RBM11: variants seen among roughly 807,000 people sequenced by gnomAD.
RBM11 encodes splicing regulator RBM11.
In RBM11, 18 loss-of-function variants were observed where a neutral mutation model predicts 21.4. The ratio of observed to expected loss-of-function variants is 0.84; its 90% CI spans 0.58 to 1.25. The LOEUF (loss-of-function observed/expected upper bound fraction) is 1.25, where lower values mean the gene tolerates loss of function less well. Ranked by LOEUF, RBM11 falls within the 50% of genes most tolerant of loss-of-function variation. The pLI is 0.00. For missense variants in RBM11, 294 were observed against 331.9 expected (o/e 0.89, Z 0.89); for synonymous variants, 120 against 116.3 (o/e 1.03, Z -0.20).
chr21:14,226,948 T>G lies in RBM11; in HGVS notation c.501T>G (p.Ser167Arg), dbSNP rs749653236. 2 of 1,613,692 alleles carry G rather than the reference T, an allele frequency of 1.2e-6. No homozygotes were observed. Among genetic ancestry groups the G allele is most frequent in the Admixed American group, 3.3e-5 (2 of 59,996 alleles). Residue 167 changes from serine (S) to arginine (R), a missense_variant, in exon 5 of 5, where the codon AGT (serine) becomes AGG (arginine). Ser to Arg is a moderately radical substitution (Grantham distance 110). Coordinates refer to ENST00000400577, the MANE Select transcript of RBM11 (RefSeq NM_144770.5). ...AAATGACAGCTCCACTTCCTAATAG[T>G]GCATCCGTGTCTTCCTCACTGAATC... ...YYEMTAPLPN[S>R]ASVSSSLNHV...
At chr21:14,225,251 A>G (rs986797087) in intron 4 of RBM11, among the ~76,000 whole-genome samples, 1 of 152,334 alleles carries the variant, frequency 6.6e-6, no homozygotes, top group East Asian at 1.9e-4. Flanking sequence ...TTAATTAAAG[A>G]CAAAACTATC....
At position 14,228,007 on chromosome 21, in the gene RBM11, CTT is replaced by C. The variant is rs1156296370; in HGVS notation, c.*717_*718del. 6.6e-6 allele frequency: 1 copy of C among 152,128 alleles called. No homozygotes were observed. The highest frequency in any genetic ancestry group is 1.5e-5 in the Non-Finnish European group (1 of 68,010). The allele number at this position is 152,128 out of a possible 1,614,324, so 9.4% of individuals were successfully genotyped here. On this transcript the variant is annotated 3_prime_UTR_variant, in exon 5 of 5. Coordinates refer to ENST00000400577, the MANE Select transcript of RBM11 (RefSeq NM_144770.5). ...CTATGTCAGTGTGTATTATTCACCT[CTT>C]TTGCTAGCAAGGTTTGAGATGCTAT...
In RBM11 at chr21:14,227,008, T is replaced by G. The variant is rs755211114; in HGVS notation, c.561T>G (p.Tyr187Ter). 1.9e-6 allele frequency: 3 copies of G among 1,613,592 alleles called. No homozygotes were observed. Among genetic ancestry groups the G allele is most frequent in the Non-Finnish European group, 1.7e-6 (2 of 1,179,856 alleles). Reference protein sequence around the residue: ...VPDLEAGPSSYKWTHQQPSDS... With the variant: ...VPDLEAGPSS ...ATCTTGAGGCTGGACCCAGCTCATA[T>G]AAATGGACTCACCAACAACCAAGTG... The change falls in exon 5 of 5, where the codon TAT becomes TAG. Residue 187 changes from tyrosine (Y) to a stop codon, truncating the protein, a stop_gained. Coordinates refer to ENST00000400577, the MANE Select transcript of RBM11 (RefSeq NM_144770.5). LOFTEE classifies it low-confidence loss of function (END_TRUNC).
At chr21:14,220,221 G>A (rs1244447469) in intron 2 of RBM11, among the ~76,000 whole-genome samples, 1 of 152,168 alleles carries the variant, frequency 6.6e-6, no homozygotes, top group African/African-American at 2.4e-5. Context: ...GCAACGTAGA[G>A]TTACCCTTAG....
chr21:14,220,822 C>A (rs1250142831), intron 2 of RBM11, among the ~76,000 whole-genome samples: 1 of 152,076 alleles, frequency 6.6e-6, no homozygotes, highest in Admixed American at 6.5e-5. Context: ...CTGGAACAAA[C>A]CATCATGTAT....
intron 1 of RBM11, 88 bp downstream of exon 1, chr21:14,216,370 C>T (rs370434769): frequency 8.4e-6 from 9 of 1,066,154 alleles, no homozygotes; most frequent in East Asian, 2.5e-5. Context: ...AGCCCGGCCC[C>T]CTTCCGTCCC....
chr21:14,220,942 G>T (rs984068668), intron 2 of RBM11, among the ~76,000 whole-genome samples, 155 bp from the exon 3 acceptor site: 14 of 152,002 alleles, frequency 9.2e-5, no homozygotes, highest in Non-Finnish European at 2.1e-4. Flanking sequence ...CTATAAATAT[G>T]ATTTGAGAGG....
intron 4 of RBM11, among the ~76,000 whole-genome samples, chr21:14,226,174 T>G (rs377007798): frequency 4.6e-5 from 7 of 152,166 alleles, no homozygotes; most frequent in East Asian, 3.8e-4. Context: ...TTTTGAAGAC[T>G]TCACTTGAAG....
rs73890711 is a variant in RBM11, at chr21:14,225,886, A to G, written c.433-994A>G. On this transcript the variant is annotated intron_variant, in intron 4 of 4. Coordinates refer to ENST00000400577, the MANE Select transcript of RBM11 (RefSeq NM_144770.5). ...AAGGAAGCATCTCTCTAAACAGTAA[A>G]TAACTATGCTATAAAATATGGGGGC... 6.4e-3 allele frequency among the ~76,000 whole-genome samples: 971 copies of G among 152,248 alleles called. 15 individuals are homozygous for G. The highest frequency in any genetic ancestry group is 0.022 in the African/African-American group (926 of 41,570).
In RBM11 at chr21:14,219,896, A is replaced by G. The variant is rs553375320; in HGVS notation, c.259+171A>G. Among the ~76,000 whole-genome samples the G allele has an allele frequency of 7.2e-5, 11 of 152,324 alleles. No individual in the cohort carries two copies. The South Asian group carries it at 2.3e-3, about 32-fold the overall frequency. On this transcript the variant is annotated intron_variant, in intron 2 of 4. Transcript: ENST00000400577. ...ACACGTGTCTAATTCATAATGTTAT[A>G]TAGTTAATTAGTCTTGACAAACCTA... is the stretch of plus-strand genomic sequence containing the variant.
At chr21:14,218,300 G>T (rs777356668) in intron 1 of RBM11, among the ~76,000 whole-genome samples, 1 of 151,818 alleles carries the variant, frequency 6.6e-6, no homozygotes, top group Non-Finnish European at 1.5e-5. Flanking sequence ...AATTTTATTG[G>T]TTTTTATATT....
chr21:14,225,329 T>G (rs554261510), intron 4 of RBM11, among the ~76,000 whole-genome samples: 6 of 152,314 alleles, frequency 3.9e-5, no homozygotes, highest in Non-Finnish European at 7.4e-5. Flanking sequence ...CAATGAAGAT[T>G]CTCAATTGGT....
intron 3 of RBM11, among the ~76,000 whole-genome samples, chr21:14,221,959 C>T (rs1446779615): frequency 2.0e-5 from 3 of 152,178 alleles, no homozygotes; most frequent in Non-Finnish European, 4.4e-5. Flanking sequence ...TCTGCAGCCT[C>T]TCTAAGTGGT....
chr21:14,221,015 T>C lies in RBM11; in HGVS notation c.260-82T>C. On this transcript the variant is annotated intron_variant, in intron 2 of 4. Coordinates refer to ENST00000400577, the MANE Select transcript of RBM11 (RefSeq NM_144770.5). ...AAAATCACTACTACGTCCTAAAATA[T>C]TTTGAGTCATTTTATGGTTTAATAT... 12 of 1,381,184 alleles carry C rather than the reference T, an allele frequency of 8.7e-6. No homozygotes were observed. In the South Asian group the frequency reaches 1.7e-4, roughly 19 times the overall value. 85.6% of individuals were successfully genotyped at this position (1,381,184 alleles called of 1,614,324 possible). A position where few individuals can be genotyped will look rare whatever the true frequency, so the allele number is the denominator to read the frequency against.
intron 1 of RBM11, among the ~76,000 whole-genome samples, chr21:14,217,619 T>C (rs108885): frequency 0.24 from 36,939 of 152,068 alleles, 5,125 homozygotes; most frequent in African/African-American, 0.38. Flanking sequence ...TTAAGACTTT[T>C]AGGTTCATCC....
Position 14,227,353 on chromosome 21 carries a change from A to G in RBM11, c.*60A>G, listed in dbSNP as rs1279694345. ...TTAGTTCTCTTATGAAAAAAATAAG[A>G]TGTTATCCCATCAAATAAACAATGT... On this transcript the variant is annotated 3_prime_UTR_variant, in exon 5 of 5. Transcript: ENST00000400577. 3 of 1,455,482 alleles carry G rather than the reference A, an allele frequency of 2.1e-6. No individual in the cohort carries two copies. The African/African-American group carries it at 4.3e-5, about 21-fold the overall frequency. The allele number at this position is 1,455,482 out of a possible 1,614,324, so 90.2% of individuals were successfully genotyped here.
chr21:14,219,571 A>T lies in RBM11; in HGVS notation c.105A>T (p.Pro35=). ...TTTTAAGTTTCTTATAGGCGGGGCC[A>T]CTAACCAAAGTGACTATATGCAAAG... is the stretch of plus-strand genomic sequence containing the variant. ...ILYELFLQAG[P]LTKVTICKDR... Residue 35 remains proline (P), a synonymous_variant, in exon 2 of 5, where the codon CCA becomes CCT. Transcript: ENST00000400577. 6.6e-7 allele frequency: 1 copy of T among 1,514,808 alleles called. No homozygotes were observed. The allele number at this position is 1,514,808 out of a possible 1,614,324, so 93.8% of individuals were successfully genotyped here. A position where few individuals can be genotyped will look rare whatever the true frequency, so the allele number is the denominator to read the frequency against.
Position 14,219,423 on chromosome 21 carries a change from A to G in RBM11, c.97-140A>G. The stretch of plus-strand genomic sequence containing the variant: ...GAAAGTGTGAGGAAGTGTAATATTT[A>G]TTATTAGAAAGATACATTATTAGCA... On this transcript the variant is annotated intron_variant, in intron 1 of 4. Coordinates refer to ENST00000400577, the MANE Select transcript of RBM11 (RefSeq NM_144770.5). 6 of 583,784 alleles carry G rather than the reference A, an allele frequency of 1.0e-5. No homozygotes were observed. In the East Asian group the frequency reaches 1.8e-4, roughly 17 times the overall value. 36.2% of individuals were successfully genotyped at this position (583,784 alleles called of 1,614,324 possible).
In RBM11 at chr21:14,219,623, GGA is replaced by G; in HGVS notation, c.158_159del (p.Gly53ValfsTer5). 1 of 1,601,392 alleles carries G rather than the reference GGA, an allele frequency of 6.2e-7. No individual in the cohort carries two copies. Among genetic ancestry groups the G allele is most frequent in the Non-Finnish European group, 8.5e-7 (1 of 1,171,586 alleles). ...KDREGKPKSF[G>X]FVCFKHPESV... ...CAGAGAAGGAAAGCCAAAGTCTTTT[GGA>G]TTTGTCTGCTTTAAACACCCAGAAT... On this transcript the variant is annotated frameshift_variant, in exon 2 of 5. Transcript: ENST00000400577. LOFTEE classifies it high-confidence loss of function.
Sources: gnomAD v4.1 joint callset for allele counts (sites outside exome capture counted in the v4.1 genomes callset) on GRCh38, gnomAD v4.1.1 for gene constraint, MANE v1.5 for transcripts, NCBI Gene and HGNC (gene_info 2026-07-23, HGNC 2026-07-21) for gene names.